The following PDZRN4 variants were observed in gnomAD, a reference collection of about 807,000 sequenced individuals.
PDZRN4 encodes PDZ domain-containing RING finger protein 4.
Under a neutral mutation model 99.0 loss-of-function variants are expected in PDZRN4, and 70 were observed. The observed-to-expected ratio is 0.71, with a 90% CI of 0.58 to 0.86. PDZRN4 has a LOEUF of 0.86. Ranked by LOEUF, PDZRN4 falls within the 40% of genes least tolerant of loss-of-function variation. The probability of loss-of-function intolerance (pLI) is 0.00; values close to 1 mark genes in which losing one functional copy is unlikely to be tolerated. For missense variants in PDZRN4, 1,474 were observed against 1,331.2 expected, an observed-to-expected ratio of 1.11 and a Z score of -1.67; for synonymous variants, 551 against 501.6, an observed-to-expected ratio of 1.10 and a Z score of -1.32.
intron 3 of PDZRN4, among the ~76,000 whole-genome samples, chr12:41,319,057 C>T (rs979744752): frequency 9.2e-5 from 14 of 152,252 alleles, no homozygotes; most frequent in African/African-American, 3.1e-4. Context: ...TAACCTAAAA[C>T]AAACATGCAA....
At chr12:41,552,522 A>T in intron 5 of PDZRN4, 134 bp from the exon 6 acceptor site, 1 of 551,078 alleles carries the variant, frequency 1.8e-6, no homozygotes, top group Non-Finnish European at 3.1e-6. Flanking sequence ...GTAAAAAAAA[A>T]AAAGTTAATT....
intron 3 of PDZRN4, among the ~76,000 whole-genome samples, chr12:41,318,158 T>C (rs995004948): frequency 2.6e-5 from 4 of 152,150 alleles, no homozygotes; most frequent in African/African-American, 9.7e-5. Flanking sequence ...GTTTAGATCG[T>C]TTATTATTGC....
intron 3 of PDZRN4, among the ~76,000 whole-genome samples, chr12:41,311,503 C>T (rs1240222658): frequency 6.6e-6 from 1 of 152,024 alleles, no homozygotes; most frequent in Non-Finnish European, 1.5e-5. Context: ...GCTGTGTATC[C>T]TGGGTTGAGA....
At chr12:41,247,493 G>A (rs1468673778) in intron 3 of PDZRN4, among the ~76,000 whole-genome samples, 1 of 152,080 alleles carries the variant, frequency 6.6e-6, no homozygotes, top group Non-Finnish European at 1.5e-5. Flanking sequence ...TAACTTGGGG[G>A]GTTCCTTTAA....
At chr12:41,426,193 A>C (rs967474855) in intron 3 of PDZRN4, among the ~76,000 whole-genome samples, 24 of 152,214 alleles carry the variant, frequency 1.6e-4, no homozygotes, top group Non-Finnish European at 2.9e-5. Flanking sequence ...TTACCCAGTA[A>C]ACAGCATTTA....
intron 3 of PDZRN4, among the ~76,000 whole-genome samples, chr12:41,340,174 C>T (rs973927135): frequency 2.6e-5 from 4 of 151,980 alleles, no homozygotes; most frequent in African/African-American, 9.7e-5. Context: ...TGGAAGCAAC[C>T]TAAGTGTCCA....
chr12:41,447,921 G>A (rs944269810), intron 3 of PDZRN4, among the ~76,000 whole-genome samples: 3 of 152,084 alleles, frequency 2.0e-5, no homozygotes, highest in Non-Finnish European at 4.4e-5. Flanking sequence ...ATGGAGGAGA[G>A]GAAGGGAAGA....
intron 3 of PDZRN4, among the ~76,000 whole-genome samples, chr12:41,500,281 G>A (rs116933341): frequency 6.6e-6 from 1 of 151,872 alleles, no homozygotes; most frequent in Non-Finnish European, 1.5e-5. Flanking sequence ...GGGGATTTTG[G>A]AGCTAAGGGA....
At chr12:41,249,053 C>A (rs1277009722) in intron 3 of PDZRN4, among the ~76,000 whole-genome samples, 1 of 152,104 alleles carries the variant, frequency 6.6e-6, no homozygotes, top group Non-Finnish European at 1.5e-5. Context: ...GTAAAAGCTT[C>A]TTGGTTATTA....
chr12:41,492,652 C>T (rs1235858346), intron 3 of PDZRN4, among the ~76,000 whole-genome samples: 5 of 151,968 alleles, frequency 3.3e-5, no homozygotes, highest in African/African-American at 1.2e-4. Flanking sequence ...TAAGATGGAG[C>T]TACCCAAAGT....
intron 3 of PDZRN4, among the ~76,000 whole-genome samples, chr12:41,261,037 A>T (rs1257078553): frequency 6.6e-6 from 1 of 152,200 alleles, no homozygotes; most frequent in Non-Finnish European, 1.5e-5. Flanking sequence ...TTGGTGATGC[A>T]GAAAGATGCA....
intron 3 of PDZRN4, among the ~76,000 whole-genome samples, chr12:41,255,704 G>A (rs548431320): frequency 1.3e-5 from 2 of 152,250 alleles, no homozygotes; most frequent in East Asian, 1.9e-4. Context: ...ATGGTTTTGC[G>A]AGCTGTACAG....
intron 3 of PDZRN4, among the ~76,000 whole-genome samples, chr12:41,316,873 T>C (rs1951641666): frequency 6.6e-6 from 1 of 151,466 alleles, no homozygotes; most frequent in Non-Finnish European, 1.5e-5. Context: ...CCCCTCAAGG[T>C]TTCTGTGAGT....
chr12:41,446,525 G>A (rs1565584762), intron 3 of PDZRN4, among the ~76,000 whole-genome samples: 1 of 105,234 alleles, frequency 9.5e-6, no homozygotes, highest in Non-Finnish European at 1.9e-5. Context: ...GAATTTAGAT[G>A]GTTTTTTTTT....
intron 3 of PDZRN4, among the ~76,000 whole-genome samples, chr12:41,363,835 C>A (rs995007449): frequency 2.0e-5 from 3 of 152,082 alleles, no homozygotes; most frequent in African/African-American, 4.8e-5. Context: ...CGACTACCTT[C>A]CAGCAACTGC....
At chr12:41,307,637 T>C (rs1350768613) in intron 3 of PDZRN4, among the ~76,000 whole-genome samples, 1 of 151,866 alleles carries the variant, frequency 6.6e-6, no homozygotes, top group East Asian at 1.9e-4. Context: ...GGTAAACATT[T>C]ATTTGTATTA....
At chr12:41,250,193 A>G (rs1231391647) in intron 3 of PDZRN4, among the ~76,000 whole-genome samples, 1 of 152,184 alleles carries the variant, frequency 6.6e-6, no homozygotes, top group Non-Finnish European at 1.5e-5. Flanking sequence ...TTTTGTAACT[A>G]GTCTGTACTT....
chr12:41,267,028 G>T (rs1189490179), intron 3 of PDZRN4, among the ~76,000 whole-genome samples: 1 of 152,044 alleles, frequency 6.6e-6, no homozygotes, highest in African/African-American at 2.4e-5. Flanking sequence ...AGCATTCTTT[G>T]CTCATGAAAC....
chr12:41,369,593 G>T (rs953170104), intron 3 of PDZRN4, among the ~76,000 whole-genome samples: 1 of 151,616 alleles, frequency 6.6e-6, no homozygotes, highest in Non-Finnish European at 1.5e-5. Flanking sequence ...TTCAACATTA[G>T]ATTTTAATTG....
Sources: gnomAD v4.1 joint callset for allele counts (sites outside exome capture counted in the v4.1 genomes callset) on GRCh38, gnomAD v4.1.1 for gene constraint, MANE v1.5 for transcripts, NCBI Gene and HGNC (gene_info 2026-07-23, HGNC 2026-07-21) for gene names.